Variants in MACROD2 observed in about 807,000 individuals in gnomAD.
MACROD2 encodes mono-ADP ribosylhydrolase 2.
A neutral mutation model predicts 70.4 loss-of-function variants in MACROD2; 36 were observed. The observed-to-expected ratio is 0.51, with a 90% CI of 0.39 to 0.68. The LOEUF (loss-of-function observed/expected upper bound fraction) is 0.68. Among genes scored for constraint, MACROD2 ranks in the 30% least tolerant of loss-of-function variants. The pLI is 0.00. For synonymous variants in MACROD2, 172 were observed against 178.8 expected (o/e 0.96, Z 0.30); for missense variants, 496 against 538.4 (o/e 0.92, Z 0.78).
chr20:14,919,295 A>G (rs1346673292), intron 5 of MACROD2, among the ~76,000 whole-genome samples: 8 of 152,184 alleles, frequency 5.3e-5, no homozygotes, highest in Non-Finnish European at 1.0e-4. Flanking sequence ...CAGGAGTGTA[A>G]TATAAGCTAC....
chr20:14,961,210 T>C (rs535629966), intron 5 of MACROD2, among the ~76,000 whole-genome samples: 58 of 152,282 alleles, frequency 3.8e-4, no homozygotes, highest in Middle Eastern at 3.4e-3. Flanking sequence ...TAGATAAAGG[T>C]AGCACTATCA....
chr20:14,479,368 G>T (rs1326275724), intron 3 of MACROD2, among the ~76,000 whole-genome samples: 1 of 152,122 alleles, frequency 6.6e-6, no homozygotes, highest in Non-Finnish European at 1.5e-5. Flanking sequence ...CTGTTGAGAA[G>T]GAGAACATTT....
intron 8 of MACROD2, among the ~76,000 whole-genome samples, chr20:15,764,141 C>T (rs1443633930): frequency 6.6e-6 from 1 of 152,212 alleles, no homozygotes; most frequent in Non-Finnish European, 1.5e-5. Flanking sequence ...GCTGGCTGTG[C>T]TGTGCACCAT....
At chr20:16,031,140 T>G (rs1425045249) in intron 15 of MACROD2, among the ~76,000 whole-genome samples, 1 of 152,080 alleles carries the variant, frequency 6.6e-6, no homozygotes, top group Non-Finnish European at 1.5e-5. Flanking sequence ...TTAATTTTCT[T>G]AGTTTAGAAT....
chr20:15,593,048 C>T (rs1207417270), intron 8 of MACROD2, among the ~76,000 whole-genome samples: 2 of 152,170 alleles, frequency 1.3e-5, no homozygotes, highest in Non-Finnish European at 2.9e-5. Context: ...CACACAAGCA[C>T]ACACAAACCA....
chr20:15,721,710 G>A (rs2423978), intron 8 of MACROD2, among the ~76,000 whole-genome samples: 96,120 of 151,966 alleles, frequency 0.63, 33,629 homozygotes, highest in Non-Finnish European at 0.79. Flanking sequence ...CCCTCACAGT[G>A]TGTGTATGAT....
chr20:15,210,419 G>T (rs2076751547), intron 5 of MACROD2, among the ~76,000 whole-genome samples: 1 of 152,048 alleles, frequency 6.6e-6, no homozygotes, highest in South Asian at 2.1e-4. Flanking sequence ...TCCGTGTTTT[G>T]CATATTCTGG....
At chr20:15,069,455 T>TAAA in intron 5 of MACROD2, among the ~76,000 whole-genome samples, 1 of 152,332 alleles carries the variant, frequency 6.6e-6, no homozygotes, top group Middle Eastern at 3.4e-3. Flanking sequence ...AGACAATGAA[T>TAAA]AAAAGGCCTT....
At chr20:15,271,092 T>G (rs1339812606) in intron 6 of MACROD2, among the ~76,000 whole-genome samples, 1 of 152,192 alleles carries the variant, frequency 6.6e-6, no homozygotes, top group Non-Finnish European at 1.5e-5. Flanking sequence ...AATCTCTCTC[T>G]CAATTTGTTC....
chr20:15,368,862 G>A (rs1021900317), intron 6 of MACROD2, among the ~76,000 whole-genome samples: 34 of 152,122 alleles, frequency 2.2e-4, no homozygotes, highest in Non-Finnish European at 2.9e-5. Context: ...TTTAACGTGG[G>A]TTCATTAGTG....
At chr20:15,443,608 T>C (rs1209072840) in intron 7 of MACROD2, among the ~76,000 whole-genome samples, 1 of 152,178 alleles carries the variant, frequency 6.6e-6, no homozygotes, top group East Asian at 1.9e-4. Context: ...TTTGGTAAAA[T>C]GCACTTTCCC....
At chr20:14,745,218 C>T (rs559924128) in intron 5 of MACROD2, among the ~76,000 whole-genome samples, 154 of 152,188 alleles carry the variant, frequency 1.0e-3, no homozygotes, top group Admixed American at 1.6e-3. Flanking sequence ...TCTTTATCCT[C>T]CAGAATATAT....
At chr20:14,060,201 A>G (rs2148655071) in intron 2 of MACROD2, among the ~76,000 whole-genome samples, 1 of 152,300 alleles carries the variant, frequency 6.6e-6, no homozygotes, top group Admixed American at 6.5e-5. Context: ...TCCTTCCACA[A>G]GGTTGTCTAA....
At chr20:15,876,982 C>G (rs1369502692) in intron 9 of MACROD2, among the ~76,000 whole-genome samples, 2 of 152,104 alleles carry the variant, frequency 1.3e-5, no homozygotes, top group Admixed American at 1.3e-4. Context: ...CTGTCTCTGC[C>G]TTCCTACTGC....
At chr20:14,622,674 C>A (rs1338166417) in intron 4 of MACROD2, among the ~76,000 whole-genome samples, 1 of 152,162 alleles carries the variant, frequency 6.6e-6, no homozygotes. Context: ...CATTTCACTT[C>A]TTGTGATCGC....
chr20:15,481,322 C>G (rs766229265), intron 7 of MACROD2, among the ~76,000 whole-genome samples: 2 of 152,132 alleles, frequency 1.3e-5, no homozygotes, highest in Admixed American at 6.5e-5. Context: ...GGTTCAGTAC[C>G]CATCACTCTG....
chr20:15,928,955 T>G (rs1358414014), intron 10 of MACROD2, among the ~76,000 whole-genome samples: 2 of 152,146 alleles, frequency 1.3e-5, no homozygotes, highest in Non-Finnish European at 2.9e-5. Flanking sequence ...CTAATTTTTT[T>G]TAAAGTTAAC....
intron 2 of MACROD2, among the ~76,000 whole-genome samples, chr20:14,047,396 A>G (rs1408098236): frequency 4.7e-5 from 7 of 147,530 alleles, no homozygotes; most frequent in African/African-American, 1.3e-4. Context: ...TGGAGGTTGC[A>G]GTGAGCCGAG....
At chr20:14,137,257 A>G (rs1257298052) in intron 3 of MACROD2, among the ~76,000 whole-genome samples, 1 of 152,220 alleles carries the variant, frequency 6.6e-6, no homozygotes, top group African/African-American at 2.4e-5. Flanking sequence ...TATGTATTAC[A>G]TACTCTATTC....
Sources: gnomAD v4.1 joint callset for allele counts (sites outside exome capture counted in the v4.1 genomes callset) on GRCh38, gnomAD v4.1.1 for gene constraint, MANE v1.5 for transcripts, NCBI Gene and HGNC (gene_info 2026-07-23, HGNC 2026-07-21) for gene names.